ABHD8: variants seen among roughly 807,000 people sequenced by gnomAD.
ABHD8 encodes the protein abhydrolase domain containing 8.
In ABHD8, 10 loss-of-function variants were observed where a neutral mutation model predicts 29.3. The observed-to-expected ratio is 0.34, with a 90% CI of 0.21 to 0.58. ABHD8 has a LOEUF of 0.58. Ranked by LOEUF, ABHD8 falls within the 20% of genes least tolerant of loss-of-function variation. ABHD8 has a pLI of 0.85. For missense variants in ABHD8, 556 were observed against 615.3 expected, an observed-to-expected ratio of 0.90 and a Z score of 1.02; for synonymous variants, 282 against 274.6, an observed-to-expected ratio of 1.03 and a Z score of -0.27.
intron 2 of ABHD8, among the ~76,000 whole-genome samples, chr19:17,299,035 C>T (rs929816900): frequency 1.3e-5 from 2 of 152,196 alleles, no homozygotes; most frequent in Non-Finnish European, 2.9e-5. Flanking sequence ...AGCCACTGCA[C>T]CTGGCCTGAG....
Position 17,301,393 on chromosome 19 carries a change from A to G in ABHD8, c.224T>C (p.Leu75Ser). ...SDAAQGDLSG[L>S]VRCQRRITVY... is the part of the protein sequence containing the mutation. ...GGTGATCCGGCGCTGACAGCGGACC[A>G]AGCCGGAGAGGTCCCCCTGGGCTGC... Residue 75 changes from leucine to serine, a missense_variant, in exon 2 of 5, where the codon TTG (leucine) becomes TCG (serine). Leu to Ser is a moderately radical substitution (Grantham distance 145, BLOSUM62 -2). Transcript: ENST00000247706. 3.1e-6 allele frequency: 5 copies of G among 1,611,850 alleles called. No homozygotes were observed. Among genetic ancestry groups the G allele is most frequent in the Non-Finnish European group, 4.2e-6 (5 of 1,179,922 alleles).
Position 17,301,310 on chromosome 19 carries a change from G to C in ABHD8, c.307C>G (p.Leu103Val). Residue 103 changes from leucine to valine, a missense_variant, in exon 2 of 5, where the codon CTC becomes GTC. Transcript: ENST00000247706. ...CCAGAGCCATTCTGCCCGTGTAGGA[G>C]GTCGGCTCGAGGGGCTCGGCCCAGG... ...ENLGRAPRADLLHGQNGSGEP... is the reference protein window; with the variant it reads ...ENLGRAPRADVLHGQNGSGEP... 1 of 1,607,626 alleles carries C rather than the reference G, an allele frequency of 6.2e-7. No individual in the cohort carries two copies. The highest frequency in any genetic ancestry group is 1.3e-5 in the African/African-American group (1 of 75,046).
chr19:17,292,429 C>T lies in ABHD8; in HGVS notation c.*232G>A, dbSNP rs1436932705. ...TCATCTTCCGTGAGGGTCCCGGCTG[C>T]GGCCCCAAAACGCCGATGGGCCCCG... is the stretch of plus-strand genomic sequence containing the variant. On this transcript the variant is annotated 3_prime_UTR_variant, in exon 5 of 5. Coordinates refer to ENST00000247706, the MANE Select transcript of ABHD8 (RefSeq NM_024527.5). 7.5e-6 allele frequency: 4 copies of T among 531,998 alleles called. No homozygotes were observed. The highest frequency in any genetic ancestry group is 3.8e-5 in the Admixed American group (1 of 26,508). The allele number at this position is 531,998 out of a possible 1,614,324, so 33.0% of individuals were successfully genotyped here.
rs1367012363 is a variant in ABHD8, at chr19:17,301,739, C to T, written c.-8-115G>A. The T allele has an allele frequency of 5.6e-6, 7 of 1,257,752 alleles. No homozygotes were observed. The East Asian group carries it at 1.4e-4, about 26-fold the overall frequency. The allele number at this position is 1,257,752 out of a possible 1,614,324, so 77.9% of individuals were successfully genotyped here. A position where few individuals can be genotyped will look rare whatever the true frequency, so the allele number is the denominator to read the frequency against. On this transcript the variant is annotated intron_variant, in intron 1 of 4. Coordinates refer to ENST00000247706, the MANE Select transcript of ABHD8 (RefSeq NM_024527.5). ...GTTTTAGACTCCAGTTTGGGGAGCG[C>T]CAGATCAAGTGAGCCACGGCACTGA...
chr19:17,301,522 C>A lies in ABHD8; in HGVS notation c.95G>T (p.Gly32Val). 3 of 1,610,976 alleles carry A rather than the reference C, an allele frequency of 1.9e-6. No individual in the cohort carries two copies. The highest frequency in any genetic ancestry group is 1.7e-5 in the Admixed American group (1 of 59,942). The change falls in exon 2 of 5, where the codon GGC becomes GTC. Residue 32 changes from glycine to valine, a missense_variant. Gly to Val is a moderately radical substitution (Grantham distance 109, BLOSUM62 -3). This residue lies in a region of ABHD8 where 286 missense variants were observed against 261.4 expected (regional missense o/e 1.09). Coordinates refer to ENST00000247706, the MANE Select transcript of ABHD8 (RefSeq NM_024527.5). Reference sequence around the variant, plus strand: ...GGGCTTGACCTCTACAAAGGTGTAGCCATCGCTGGACTCGACGCTCTCCAG... The same window carrying A: ...GGGCTTGACCTCTACAAAGGTGTAGACATCGCTGGACTCGACGCTCTCCAG... The part of the protein sequence containing the change: ...GPLESVESSD[G>V]YTFVEVKPGR...
At position 17,292,649 on chromosome 19, in the gene ABHD8, C is replaced by T; in HGVS notation, c.*12G>A. The T allele has an allele frequency of 6.2e-7, 1 of 1,602,254 alleles. No individual in the cohort carries two copies. On this transcript the variant is annotated 3_prime_UTR_variant, in exon 5 of 5. Transcript: ENST00000247706. ...GCTGTGCTCACCAAGCGATGCCCCG[C>T]CGGCCCAGCGGCTACTTCTTGTCTT...
intron 3 of ABHD8, 46 bp downstream of exon 3, chr19:17,294,629 G>T: frequency 6.2e-7 from 1 of 1,608,984 alleles, no homozygotes; most frequent in Non-Finnish European, 8.5e-7. Context: ...CAGATGCCTG[G>T]GTTCGCCAGG....
At chr19:17,299,242 C>CCT (rs1555720802) in intron 2 of ABHD8, among the ~76,000 whole-genome samples, 5 of 147,046 alleles carry the variant, frequency 3.4e-5, no homozygotes, top group South Asian at 2.2e-4. Flanking sequence ...AGACCCCCCC[C>CCT]CCATTCTCTA....
Position 17,301,589 on chromosome 19 carries a change from A to T in ABHD8, c.28T>A (p.Phe10Ile). The part of the protein sequence containing the change: MLTGVTDGI[F>I]CCLLGTPPNA... Reference sequence around the variant, plus strand: ...GGGGGCGTGCCCAGCAGGCAACAGAAGATACCGTCGGTCACCCCGGTCAGC... The same window carrying T: ...GGGGGCGTGCCCAGCAGGCAACAGATGATACCGTCGGTCACCCCGGTCAGC... Residue 10 changes from phenylalanine to isoleucine, a missense_variant, in exon 2 of 5, where the codon TTC (phenylalanine) becomes ATC (isoleucine). By Grantham distance (21) the Phe-to-Ile change is conservative. Coordinates refer to ENST00000247706, the MANE Select transcript of ABHD8 (RefSeq NM_024527.5). 1 of 1,576,066 alleles carries T rather than the reference A, an allele frequency of 6.3e-7. No homozygotes were observed.
intron 2 of ABHD8, among the ~76,000 whole-genome samples, chr19:17,300,520 C>CA (rs2074112544): frequency 6.6e-6 from 1 of 152,082 alleles, no homozygotes; most frequent in African/African-American, 2.4e-5. Flanking sequence ...CTCTGTCGCC[C>CA]AGGCTGGAGT....
rs537342843 is a variant in ABHD8 at position 17,294,856 on chromosome 19, C to A, written c.762-11G>T. 12 of 1,611,272 alleles carry A rather than the reference C, an allele frequency of 7.4e-6. No individual in the cohort carries two copies. Among genetic ancestry groups the A allele is most frequent in the South Asian group, 1.1e-5 (1 of 91,030 alleles). On this transcript the variant is annotated splice_polypyrimidine_tract_variant and intron_variant, in intron 2 of 4. Transcript: ENST00000247706. ...GTGCAGAAAGAGACACTGCCCGGAA[C>A]GGGTGGGGTGATAGGAGGATTGAAG...
rs374386420 is a variant in ABHD8, at chr19:17,301,430, C to T, written c.187G>A (p.Ala63Thr). Residue 63 changes from alanine to threonine, a missense_variant, in exon 2 of 5, where the codon GCA becomes ACA. Coordinates refer to ENST00000247706, the MANE Select transcript of ABHD8 (RefSeq NM_024527.5). ...PAAAPPPPSS[A>T]SSDAAQGDLS... ...TCCCCCTGGGCTGCATCCGAGGATG[C>T]GGATGATGGTGGAGGTGGGGCAGCG... The T allele has an allele frequency of 1.2e-6, 2 of 1,611,864 alleles. No homozygotes were observed. The highest frequency in any genetic ancestry group is 1.1e-5 in the South Asian group (1 of 91,034).
In ABHD8 at chr19:17,292,849, C is replaced by T; in HGVS notation, c.1150-18G>A. The T allele has an allele frequency of 6.2e-7, 1 of 1,605,304 alleles. No individual in the cohort carries two copies. Among genetic ancestry groups the T allele is most frequent in the Non-Finnish European group, 8.5e-7 (1 of 1,174,544 alleles). ...AGCAGGATCTGCAGAAGACGCAGGG[C>T]TCAAGGTAGGCGGGGGCAAGAGGGT... On this transcript the variant is annotated intron_variant, in intron 4 of 4. Coordinates refer to ENST00000247706, the MANE Select transcript of ABHD8 (RefSeq NM_024527.5).
chr19:17,299,233 G>GCCCC (rs2074106098), intron 2 of ABHD8, among the ~76,000 whole-genome samples: 7 of 56,010 alleles, frequency 1.2e-4, no homozygotes, highest in South Asian at 4.7e-4. Context: ...AACATAATGA[G>GCCCC]ACCCCCCCCC....
At chr19:17,294,868 T>C (rs1431632409) in intron 2 of ABHD8, 23 bp from the exon 3 acceptor site, 1 of 1,608,158 alleles carries the variant, frequency 6.2e-7, no homozygotes. Flanking sequence ...GGTGGGGTGA[T>C]AGGAGGATTG....
intron 1 of ABHD8, chr19:17,303,001 C>T (rs2145662331): frequency 6.6e-6 from 1 of 152,312 alleles, no homozygotes; most frequent in African/African-American, 2.4e-5. Flanking sequence ...GGCCATGCCC[C>T]CCACCTCGAG....
At position 17,301,132 on chromosome 19, in the gene ABHD8, C is replaced by A; in HGVS notation, c.485G>T (p.Cys162Phe). ...RRPKRTIHID[C>F]EKRITSCKGA... is the part of the protein sequence containing the mutation. Reference sequence around the variant, plus strand: ...TTTGCAGCTAGTGATGCGCTTCTCACAGTCAATATGGATGGTCCTCTTGGG... The same window carrying A: ...TTTGCAGCTAGTGATGCGCTTCTCAAAGTCAATATGGATGGTCCTCTTGGG... The change falls in exon 2 of 5, where the codon TGT becomes TTT. Residue 162 changes from cysteine to phenylalanine, a missense_variant. Cys to Phe is a radical substitution (Grantham distance 205, BLOSUM62 -2). Transcript: ENST00000247706. 6.2e-7 allele frequency: 1 copy of A among 1,612,864 alleles called. No homozygotes were observed. Among genetic ancestry groups the A allele is most frequent in the Non-Finnish European group, 8.5e-7 (1 of 1,180,006 alleles).
intron 2 of ABHD8, 21 bp downstream of exon 2, chr19:17,300,835 C>T (rs913675091): frequency 1.3e-6 from 2 of 1,566,908 alleles, no homozygotes; most frequent in East Asian, 2.3e-5. Flanking sequence ...ACCCCCACCC[C>T]ACATGCCAGG....
intron 2 of ABHD8, among the ~76,000 whole-genome samples, chr19:17,299,352 G>A (rs1393891506): frequency 2.0e-5 from 3 of 151,682 alleles, no homozygotes; most frequent in Non-Finnish European, 4.4e-5. Flanking sequence ...ACGAGGTCAG[G>A]AGATCGAGAC....
Sources: allele counts gnomAD v4.1 joint callset (sites outside exome capture counted in the v4.1 genomes callset), GRCh38; gene constraint gnomAD v4.1.1; regional missense constraint gnomAD v4.1.1; transcripts MANE v1.5; gene names NCBI Gene and HGNC (gene_info 2026-07-23, HGNC 2026-07-21).